Variants in DNAH6 observed in about 807,000 individuals in gnomAD.
DNAH6 encodes axonemal beta dynein heavy chain 6.
In DNAH6, 340 loss-of-function variants were observed where a neutral mutation model predicts 491.4. The observed-to-expected ratio is 0.69, with a 90% CI of 0.63 to 0.76. The LOEUF (loss-of-function observed/expected upper bound fraction) is 0.76, where lower values mean the gene tolerates loss of function less well. Among genes scored for constraint, DNAH6 ranks in the 30% least tolerant of loss-of-function variants. The pLI is 0.00. For synonymous variants in DNAH6, 1,603 were observed against 1,686.1 expected, an observed-to-expected ratio of 0.95 and a Z score of 1.21; for missense variants, 4,443 against 4,972.2, an observed-to-expected ratio of 0.89 and a Z score of 3.20.
At chr2:84,540,974 G>A (rs1226767949) in intron 4 of DNAH6, among the ~76,000 whole-genome samples, 1 of 152,162 alleles carries the variant, frequency 6.6e-6, no homozygotes, top group African/African-American at 2.4e-5. Flanking sequence ...TATCTGAAAT[G>A]TAGGAATTTT....
intron 41 of DNAH6, among the ~76,000 whole-genome samples, chr2:84,680,843 G>A (rs1421248507): frequency 1.3e-5 from 2 of 152,154 alleles, no homozygotes; most frequent in African/African-American, 4.8e-5. Context: ...CAGAAAATGG[G>A]AGGTGTATAA....
the DNAH6 span, among the ~76,000 whole-genome samples, chr2:84,511,228 G>C: frequency 2.0e-5 from 3 of 152,164 alleles, no homozygotes; most frequent in African/African-American, 7.2e-5. Context: ...CACCCAGTTC[G>C]AGCTTCCTGG....
At position 84,701,302 on chromosome 2, in the gene DNAH6, T is replaced by A. The variant is rs1344583338; in HGVS notation, c.8024T>A (p.Leu2675Gln). 2.6e-6 allele frequency: 4 copies of A among 1,550,970 alleles called. No homozygotes were observed. Among genetic ancestry groups the A allele is most frequent in the Non-Finnish European group, 3.5e-6 (4 of 1,146,322 alleles). Residue 2675 changes from leucine to glutamine, a missense_variant, in exon 49 of 77, where the codon CTG becomes CAG. Leu to Gln is a moderately radical substitution (Grantham distance 113). Around this residue, in one of 3 missense-constraint regions of DNAH6, gnomAD observed 2,977 missense variants for 3,296.6 expected, o/e 0.90. Transcript: ENST00000389394. Reference protein sequence around the residue: ...TSYLELINLYLSMLSEKRKQI... With the variant: ...TSYLELINLYQSMLSEKRKQI... The stretch of plus-strand genomic sequence containing the variant: ...TACCTGGAGCTTATCAATCTTTACC[T>A]GTCTATGCTGTCTGAAAAAAGGAAG...
chr2:84,767,236 G>A (rs1197797110), intron 64 of DNAH6, among the ~76,000 whole-genome samples: 1 of 152,128 alleles, frequency 6.6e-6, no homozygotes, highest in Non-Finnish European at 1.5e-5. Flanking sequence ...ATTCTAGAAT[G>A]TAAAAATATA....
At chr2:84,572,976 T>G (rs1415694677) in intron 11 of DNAH6, among the ~76,000 whole-genome samples, 2 of 152,174 alleles carry the variant, frequency 1.3e-5, no homozygotes, top group Non-Finnish European at 2.9e-5. Context: ...GAAGAAAAAG[T>G]TTTTATTATG....
chr2:84,556,980 A>T (rs1680095435), intron 10 of DNAH6, among the ~76,000 whole-genome samples: 2 of 152,234 alleles, frequency 1.3e-5, no homozygotes, highest in South Asian at 4.1e-4. Context: ...TTCTCTAATT[A>T]GTTATTAATA....
chr2:84,808,931 T>A (rs1446735460), intron 72 of DNAH6, among the ~76,000 whole-genome samples: 1 of 152,226 alleles, frequency 6.6e-6, no homozygotes, highest in Non-Finnish European at 1.5e-5. Context: ...TGTCAAAGTG[T>A]GGGCCACAGA....
intron 32 of DNAH6, among the ~76,000 whole-genome samples, chr2:84,641,650 C>A: frequency 6.6e-6 from 1 of 152,318 alleles, no homozygotes. Context: ...AAAAGAAAAT[C>A]ACAGCGATAG....
chr2:84,791,981 T>C (rs941729049), intron 68 of DNAH6, among the ~76,000 whole-genome samples: 3 of 152,136 alleles, frequency 2.0e-5, no homozygotes, highest in Non-Finnish European at 2.9e-5. Context: ...ACAACCCAAA[T>C]GTCCATCAAC....
intron 41 of DNAH6, among the ~76,000 whole-genome samples, chr2:84,678,931 A>C (rs2104714966): frequency 6.6e-6 from 1 of 152,322 alleles, no homozygotes; most frequent in African/African-American, 2.4e-5. Flanking sequence ...CTGTAGGAAA[A>C]AAGAACTTGC....
chr2:84,570,780 C>G (rs1018860861), intron 11 of DNAH6, among the ~76,000 whole-genome samples: 3 of 152,188 alleles, frequency 2.0e-5, no homozygotes, highest in Non-Finnish European at 2.9e-5. Flanking sequence ...CCACTCGGGT[C>G]CCCTTCCACG....
At chr2:84,533,753 C>T (rs973560680) in intron 4 of DNAH6, among the ~76,000 whole-genome samples, 23 of 152,122 alleles carry the variant, frequency 1.5e-4, no homozygotes, top group African/African-American at 5.3e-4. Flanking sequence ...CTCAGCCTTG[C>T]AGCTTTATAG....
At chr2:84,696,009 T>C (rs571509649) in intron 46 of DNAH6, among the ~76,000 whole-genome samples, 38 of 152,068 alleles carry the variant, frequency 2.5e-4, no homozygotes, top group African/African-American at 9.1e-4. Flanking sequence ...CATGAACTTA[T>C]ATATACACAA....
At chr2:84,674,545 A>G (rs1183693215) in intron 40 of DNAH6, among the ~76,000 whole-genome samples, 4 of 152,170 alleles carry the variant, frequency 2.6e-5, no homozygotes, top group South Asian at 2.1e-4. Context: ...GTCTCGAGAA[A>G]GGGGCCTTGG....
At chr2:84,753,336 G>A (rs568929807) in intron 63 of DNAH6, among the ~76,000 whole-genome samples, 7 of 151,710 alleles carry the variant, frequency 4.6e-5, no homozygotes, top group East Asian at 1.9e-4. Context: ...CTGTCTTTTC[G>A]CTTTCTTGGT....
At chr2:84,558,570 G>A (rs1259116725) in intron 11 of DNAH6, among the ~76,000 whole-genome samples, 1 of 152,156 alleles carries the variant, frequency 6.6e-6, no homozygotes, top group Non-Finnish European at 1.5e-5. Flanking sequence ...TGACTCACCA[G>A]CCAACACAAT....
chr2:84,494,681 GAACT>G, the DNAH6 span, among the ~76,000 whole-genome samples: 5 of 152,262 alleles, frequency 3.3e-5, no homozygotes, highest in African/African-American at 1.2e-4. Flanking sequence ...CTGAAAATTA[GAACT>G]ATCTAACAGA....
At position 84,594,069 on chromosome 2, in the gene DNAH6, A is replaced by G; in HGVS notation, c.2708A>G (p.Gln903Arg). 6.5e-7 allele frequency: 1 copy of G among 1,545,546 alleles called. No individual in the cohort carries two copies. The highest frequency in any genetic ancestry group is 8.8e-7 in the Non-Finnish European group (1 of 1,142,216). ...TCTTTCTCTGAATGGGATAAACTCCAACAAGAATGGTTAAAGGTAGGGGAA... is the reference window on the plus strand; with the variant it reads ...TCTTTCTCTGAATGGGATAAACTCCGACAAGAATGGTTAAAGGTAGGGGAA... ...WDSFSEWDKL[Q>R]QEWLKSKFDC... Residue 903 changes from glutamine to arginine, a missense_variant, in exon 17 of 77, where the codon CAA (glutamine) becomes CGA (arginine). This residue lies in a region of DNAH6 where 2,977 missense variants were observed against 3,296.6 expected (regional missense o/e 0.90). Transcript: ENST00000389394.
chr2:84,614,278 T>C (rs2104358284), intron 22 of DNAH6, among the ~76,000 whole-genome samples: 1 of 152,256 alleles, frequency 6.6e-6, no homozygotes, highest in African/African-American at 2.4e-5. Flanking sequence ...AGTGAGAACA[T>C]ATGATGCTTG....
Sources: gnomAD v4.1 joint callset for allele counts (sites outside exome capture counted in the v4.1 genomes callset) on GRCh38, gnomAD v4.1.1 for gene constraint, gnomAD v4.1.1 regional missense constraint, MANE v1.5 for transcripts, NCBI Gene and HGNC (gene_info 2026-07-23, HGNC 2026-07-21) for gene names.